The following KAZN variants were observed in gnomAD, a reference collection of about 807,000 sequenced individuals.
The protein encoded by KAZN is kazrin.
KAZN carries 40 observed loss-of-function variants against 87.4 expected under a neutral mutation model. The ratio of observed to expected loss-of-function variants is 0.46; its 90% CI spans 0.36 to 0.60. KAZN has a LOEUF of 0.60. Ranked by LOEUF, KAZN falls within the 20% of genes least tolerant of loss-of-function variation. The pLI is 0.00. For missense variants in KAZN, 898 were observed against 1,073.9 expected (o/e 0.84, Z 2.29); for synonymous variants, 466 against 458.3 (o/e 1.02, Z -0.22).
chr1:15,015,608 C>T (rs1174764326), intron 2 of KAZN, among the ~76,000 whole-genome samples: 1 of 152,162 alleles, frequency 6.6e-6, no homozygotes, highest in Non-Finnish European at 1.5e-5. Context: ...TGGGGCTTCC[C>T]TCCCTCCTCC....
At position 13,923,588 on chromosome 1, in the gene KAZN, A is replaced by AGAAAAG. The variant is rs1553174047; in HGVS notation, c.91+29832_91+29833insGAAAAG. Among the ~76,000 whole-genome samples the AGAAAAG allele has an allele frequency of 5.0e-5, 7 of 139,906 alleles. No homozygotes were observed. The East Asian group carries it at 6.2e-4, about 12-fold the overall frequency. The allele number at this position is 139,906 out of a possible 152,430, so 91.8% of individuals were successfully genotyped here. A position where few individuals can be genotyped will look rare whatever the true frequency, so the allele number is the denominator to read the frequency against. On this transcript the variant is annotated intron_variant, in intron 1 of 16. Transcript: ENST00000636203. ...ACTCCATCTCAAAAAAAAAAAAAAA[A>AGAAAAG]AAAATATAATTACTGTTTGTTAAGT...
chr1:14,416,670 G>C (rs1018035201), intron 2 of KAZN, among the ~76,000 whole-genome samples: 1 of 152,144 alleles, frequency 6.6e-6, no homozygotes, highest in Admixed American at 6.5e-5. Flanking sequence ...CCAGGAGACA[G>C]AGGTTGCAGT....
chr1:15,013,307 G>A (rs1434639872), intron 2 of KAZN, among the ~76,000 whole-genome samples: 4 of 152,212 alleles, frequency 2.6e-5, no homozygotes, highest in Admixed American at 6.5e-5. Context: ...ACTCACCCCC[G>A]TTTCGTTTAT....
intron 2 of KAZN, among the ~76,000 whole-genome samples, chr1:14,407,969 C>A (rs1293783894): frequency 6.6e-6 from 1 of 152,176 alleles, no homozygotes; most frequent in African/African-American, 2.4e-5. Flanking sequence ...TACTCACACA[C>A]CTCTCAATTC....
intron 1 of KAZN, among the ~76,000 whole-genome samples, chr1:14,753,621 AT>A (rs1644473170): frequency 6.6e-6 from 1 of 152,220 alleles, no homozygotes; most frequent in East Asian, 1.9e-4. Flanking sequence ...CAGGAGAAAA[AT>A]GGAGATCACA....
At chr1:14,342,301 G>A (rs1657791505) in intron 2 of KAZN, among the ~76,000 whole-genome samples, 1 of 152,172 alleles carries the variant, frequency 6.6e-6, no homozygotes, top group African/African-American at 2.4e-5. Context: ...GAACATACAT[G>A]TACATGTGCC....
intron 2 of KAZN, among the ~76,000 whole-genome samples, chr1:14,504,296 A>G (rs1039635728): frequency 2.0e-5 from 3 of 152,206 alleles, no homozygotes; most frequent in African/African-American, 7.2e-5. Flanking sequence ...CCGTTAATTT[A>G]AAGCTGGGGG....
intron 2 of KAZN, among the ~76,000 whole-genome samples, chr1:14,583,446 T>G (rs1675672653): frequency 6.6e-6 from 1 of 151,742 alleles, no homozygotes; most frequent in South Asian, 2.1e-4. Context: ...CGTGTAGGAG[T>G]GAGGAAGTCA....
At chr1:14,448,116 G>A (rs1293098686) in intron 2 of KAZN, among the ~76,000 whole-genome samples, 4 of 152,230 alleles carry the variant, frequency 2.6e-5, no homozygotes, top group African/African-American at 9.6e-5. Flanking sequence ...CTGAATAGCA[G>A]CCATGCGCTG....
rs1639216827 is a variant in KAZN at position 15,066,272 on chromosome 1, C to T, written c.1222+519C>T. 2 of 985,788 alleles carry T rather than the reference C, an allele frequency of 2.0e-6. No individual in the cohort carries two copies. The highest frequency in any genetic ancestry group is 1.2e-6 in the Non-Finnish European group (1 of 830,242). The allele number at this position is 985,788 out of a possible 1,614,324, so 61.1% of individuals were successfully genotyped here. A position where few individuals can be genotyped will look rare whatever the true frequency, so the allele number is the denominator to read the frequency against. On this transcript the variant is annotated intron_variant, in intron 8 of 14. Coordinates refer to ENST00000376030, the MANE Select transcript of KAZN (RefSeq NM_201628.3). The surrounding 1 kb of genome is among the most constrained non-coding windows in gnomAD (Gnocchi z 4.3). The stretch of plus-strand genomic sequence containing the variant: ...GCACTCTGTGCTTGTAAATGTCCCT[C>T]GTCCAAACCGCTACTCCTGGAGCCC...
At chr1:14,835,124 A>G (rs1036400604) in intron 1 of KAZN, among the ~76,000 whole-genome samples, 17 of 152,258 alleles carry the variant, frequency 1.1e-4, no homozygotes, top group African/African-American at 3.9e-4. Flanking sequence ...CAGCGGGATC[A>G]GAGTTTCTTG....
chr1:14,241,131 C>T (rs1648898586), intron 2 of KAZN, among the ~76,000 whole-genome samples: 1 of 152,222 alleles, frequency 6.6e-6, no homozygotes, highest in South Asian at 2.1e-4. Flanking sequence ...GGTGAAACCA[C>T]ACCTTTCTTA....
intron 1 of KAZN, among the ~76,000 whole-genome samples, chr1:14,634,843 T>C (rs1466645464): frequency 2.0e-5 from 3 of 151,998 alleles, no homozygotes; most frequent in African/African-American, 7.3e-5. Context: ...CACTCAGGGG[T>C]GGGTGGGTTT....
At chr1:14,086,748 T>TG (rs1643868502) in intron 1 of KAZN, among the ~76,000 whole-genome samples, 1 of 152,198 alleles carries the variant, frequency 6.6e-6, no homozygotes, top group South Asian at 2.1e-4. Flanking sequence ...GTACATAGTA[T>TG]GAGGGAAGGG....
At chr1:14,235,745 T>C (rs961293794) in intron 2 of KAZN, among the ~76,000 whole-genome samples, 26 of 152,224 alleles carry the variant, frequency 1.7e-4, no homozygotes, top group Admixed American at 3.9e-4. Context: ...CTGAAAATAC[T>C]ATGGCCACTG....
chr1:15,112,403 G>T, intron 13 of KAZN, 24 bp from the exon 14 acceptor site: 1 of 1,452,578 alleles, frequency 6.9e-7, no homozygotes, highest in South Asian at 1.2e-5. Context: ...CTCCCCTGCT[G>T]ACTCAAAATG....
chr1:14,418,881 A>G (rs1317109504), intron 2 of KAZN, among the ~76,000 whole-genome samples: 1 of 152,180 alleles, frequency 6.6e-6, no homozygotes, highest in African/African-American at 2.4e-5. Context: ...GCAAATGAAA[A>G]TAAGGCTTCT....
At chr1:15,087,405 T>C (rs1640309959) in intron 8 of KAZN, among the ~76,000 whole-genome samples, 1 of 152,016 alleles carries the variant, frequency 6.6e-6, no homozygotes, top group Non-Finnish European at 1.5e-5. Context: ...TTTTCTTTTT[T>C]TTTTTTTGAC....
chr1:14,040,152 G>A (rs543938286), intron 1 of KAZN, among the ~76,000 whole-genome samples: 2 of 151,886 alleles, frequency 1.3e-5, no homozygotes, highest in East Asian at 3.9e-4. Context: ...TTAACTGGAG[G>A]GATTTCATGT....
Sources: gnomAD v4.1 joint callset for allele counts (sites outside exome capture counted in the v4.1 genomes callset) on GRCh38, gnomAD v4.1.1 for gene constraint, Gnocchi (gnomAD v3.1) non-coding constraint, MANE v1.5 for transcripts, NCBI Gene and HGNC (gene_info 2026-07-23, HGNC 2026-07-21) for gene names.